PIP5K1B: variants seen among roughly 807,000 people sequenced by gnomAD.
The protein encoded by PIP5K1B is phosphatidylinositol 4-phosphate 5-kinase type-1 beta.
In PIP5K1B, 42 loss-of-function variants were observed where a neutral mutation model predicts 67.0. That is an observed-to-expected ratio of 0.63 (90% CI 0.49 to 0.81). The LOEUF is 0.81. Among genes scored for constraint, PIP5K1B ranks in the 30% least tolerant of loss-of-function variants. PIP5K1B has a pLI of 0.00. For missense variants in PIP5K1B, 459 were observed against 646.3 expected (o/e 0.71, Z 3.14); for synonymous variants, 214 against 231.4 (o/e 0.92, Z 0.68).
intron 2 of PIP5K1B, among the ~76,000 whole-genome samples, chr9:68,801,847 G>A (rs1201516937): frequency 1.3e-5 from 2 of 152,164 alleles, no homozygotes; most frequent in Non-Finnish European, 2.9e-5. Context: ...AATGAATGAT[G>A]GGGGTTTGCC....
chr9:68,926,305 T>C (rs1826697197), intron 12 of PIP5K1B, among the ~76,000 whole-genome samples: 2 of 152,116 alleles, frequency 1.3e-5, no homozygotes, highest in African/African-American at 4.8e-5. Context: ...ATCAATGGCA[T>C]CTTCAGTTTC....
chr9:68,920,525 G>A lies in PIP5K1B; in HGVS notation c.1116+796G>A, dbSNP rs191275023. ...TGGGACAACAGGTGCGTGCCACGAC[G>A]CCTGGCTAATTTTTGTACTTTTAGT... is the stretch of plus-strand genomic sequence containing the variant. On this transcript the variant is annotated intron_variant, in intron 11 of 15. Coordinates refer to ENST00000265382, the MANE Select transcript of PIP5K1B (RefSeq NM_003558.4). 3.4e-3 allele frequency among the ~76,000 whole-genome samples: 522 copies of A among 151,512 alleles called. 1 individual carries two copies. The highest frequency in any genetic ancestry group is 0.012 in the African/African-American group (477 of 41,270).
At chr9:68,732,995 A>C (rs1308756706) in intron 1 of PIP5K1B, among the ~76,000 whole-genome samples, 1 of 151,992 alleles carries the variant, frequency 6.6e-6, no homozygotes, top group Non-Finnish European at 1.5e-5. Context: ...ACCAATTTTG[A>C]TGCTTTGCAC....
intron 5 of PIP5K1B, among the ~76,000 whole-genome samples, chr9:68,870,277 T>C (rs1823566757): frequency 6.6e-6 from 1 of 152,236 alleles, no homozygotes; most frequent in South Asian, 2.1e-4. Context: ...GAATTTAAGC[T>C]GTCTTCAGAT....
intron 4 of PIP5K1B, among the ~76,000 whole-genome samples, chr9:68,863,416 TAC>T (rs544455158): frequency 2.0e-5 from 3 of 151,716 alleles, no homozygotes; most frequent in African/African-American, 4.8e-5. Flanking sequence ...CACACACACA[TAC>T]ACACACACAC....
intron 2 of PIP5K1B, chr9:68,781,260 C>T: frequency 1.8e-6 from 1 of 545,448 alleles, no homozygotes; most frequent in Non-Finnish European, 3.3e-6. Context: ...TGTGTTGAAG[C>T]ATACATCTTT....
chr9:68,808,502 A>C (rs1204353137), intron 2 of PIP5K1B, among the ~76,000 whole-genome samples: 1 of 152,214 alleles, frequency 6.6e-6, no homozygotes, highest in Admixed American at 6.5e-5. Flanking sequence ...ATGCAGTAGC[A>C]GTGTTTTTCA....
At chr9:68,862,337 C>T (rs941125638) in intron 4 of PIP5K1B, among the ~76,000 whole-genome samples, 10 of 152,096 alleles carry the variant, frequency 6.6e-5, no homozygotes, top group East Asian at 1.9e-4. Flanking sequence ...AAAGAATCTG[C>T]GAGCCATCTG....
rs1827827049 is a variant in PIP5K1B at position 68,946,822 on chromosome 9, C to A, written c.1502+6032C>A. Among the ~76,000 whole-genome samples, 3 of 152,252 alleles carry A rather than the reference C, an allele frequency of 2.0e-5. No homozygotes were observed. The South Asian group carries it at 6.2e-4, about 32-fold the overall frequency. ...TAAATCATCCCTTAGGACATTAGCT[C>A]TCAAACTGCCACTTCTAGTGATCTA... is the stretch of plus-strand genomic sequence containing the variant. On this transcript the variant is annotated intron_variant, in intron 14 of 15. Transcript: ENST00000265382.
chr9:68,990,325 C>T (rs1417219614), intron 14 of PIP5K1B, among the ~76,000 whole-genome samples: 1 of 152,010 alleles, frequency 6.6e-6, no homozygotes, highest in Non-Finnish European at 1.5e-5. Flanking sequence ...CAAGAAATTT[C>T]ATTCTAACCA....
intron 11 of PIP5K1B, among the ~76,000 whole-genome samples, chr9:68,921,689 A>G (rs1318356953): frequency 6.6e-6 from 1 of 152,046 alleles, no homozygotes; most frequent in Non-Finnish European, 1.5e-5. Flanking sequence ...TGTCTCTACT[A>G]AAAATACAAA....
intron 11 of PIP5K1B, among the ~76,000 whole-genome samples, chr9:68,920,883 T>C (rs1410032080): frequency 6.6e-6 from 1 of 152,048 alleles, no homozygotes; most frequent in Admixed American, 6.6e-5. Flanking sequence ...ACAACATTTA[T>C]TGGCCTAAGT....
At chr9:68,845,357 G>A (rs2132172945) in intron 4 of PIP5K1B, among the ~76,000 whole-genome samples, 1 of 152,334 alleles carries the variant, frequency 6.6e-6, no homozygotes, top group African/African-American at 2.4e-5. Context: ...TAGAAGAAGA[G>A]CTAGAAGCCT....
intron 4 of PIP5K1B, among the ~76,000 whole-genome samples, chr9:68,857,565 G>A (rs1301695497): frequency 2.0e-5 from 3 of 152,170 alleles, no homozygotes; most frequent in Non-Finnish European, 4.4e-5. Flanking sequence ...GGTTTGAGCT[G>A]TAGAAATGAA....
chr9:68,935,055 TG>T lies in PIP5K1B; in HGVS notation c.1357+11del. On this transcript the variant is annotated intron_variant, in intron 13 of 15. Coordinates refer to ENST00000265382, the MANE Select transcript of PIP5K1B (RefSeq NM_003558.4). The stretch of plus-strand genomic sequence containing the variant: ...AGCCTTGATGAAGAAGGTAAAGATA[TG>T]TAACTTTTTTAAAAAGACAAACGTT... The T allele has an allele frequency of 6.2e-7, 1 of 1,606,582 alleles. No homozygotes were observed. The highest frequency in any genetic ancestry group is 1.7e-4 in the Middle Eastern group (1 of 6,050).
At chr9:68,767,511 T>C (rs1325310803) in intron 2 of PIP5K1B, among the ~76,000 whole-genome samples, 2 of 150,868 alleles carry the variant, frequency 1.3e-5, no homozygotes, top group African/African-American at 2.4e-5. Flanking sequence ...GGGGAATCGC[T>C]TGAACCTGGG....
chr9:68,978,085 A>T (rs1829715567), intron 14 of PIP5K1B, among the ~76,000 whole-genome samples: 1 of 152,326 alleles, frequency 6.6e-6, no homozygotes, highest in African/African-American at 2.4e-5. Flanking sequence ...TTGTAAAATG[A>T]TTACCACATC....
At chr9:68,847,065 G>A (rs112929857) in intron 4 of PIP5K1B, among the ~76,000 whole-genome samples, 5 of 152,120 alleles carry the variant, frequency 3.3e-5, no homozygotes, top group African/African-American at 1.2e-4. Context: ...TAAATGGATA[G>A]CAATTAAGTC....
chr9:68,994,029 T>C (rs1175453150), intron 15 of PIP5K1B, among the ~76,000 whole-genome samples: 7 of 144,954 alleles, frequency 4.8e-5, no homozygotes, highest in African/African-American at 1.8e-4. Flanking sequence ...TTCACTGTTT[T>C]TTCCTGAATT....
Sources: allele counts gnomAD v4.1 joint callset (sites outside exome capture counted in the v4.1 genomes callset), GRCh38; gene constraint gnomAD v4.1.1; transcripts MANE v1.5; gene names NCBI Gene and HGNC (gene_info 2026-07-23, HGNC 2026-07-21).